Variants in DOCK1 observed in about 807,000 individuals in gnomAD.
DOCK1 encodes the protein dedicator of cytokinesis protein 1.
In DOCK1, 138 loss-of-function variants were observed where a neutral mutation model predicts 262.7. That is an observed-to-expected ratio of 0.53 (90% CI 0.46 to 0.61). The LOEUF is 0.61. Ranked by LOEUF, DOCK1 falls within the 20% of genes least tolerant of loss-of-function variation. DOCK1 has a pLI of 0.00. For synonymous variants in DOCK1, 866 were observed against 867.4 expected (o/e 1.00, Z 0.03); for missense variants, 1,908 against 2,370.7 (o/e 0.80, Z 4.05).
At chr10:127,240,537 T>C (rs1400835656) in intron 27 of DOCK1, among the ~76,000 whole-genome samples, 2 of 152,164 alleles carry the variant, frequency 1.3e-5, no homozygotes, top group Non-Finnish European at 1.5e-5. Context: ...AGCCTTTTTA[T>C]TATGTCTTAT....
intron 18 of DOCK1, among the ~76,000 whole-genome samples, chr10:127,035,705 T>C (rs2043548499): frequency 6.6e-6 from 1 of 152,058 alleles, no homozygotes; most frequent in South Asian, 2.1e-4. Flanking sequence ...TACTTCACTT[T>C]CACTTAGAAA....
At chr10:127,068,841 A>G (rs2046035374) in intron 23 of DOCK1, among the ~76,000 whole-genome samples, 18 of 152,204 alleles carry the variant, frequency 1.2e-4, no homozygotes, top group Admixed American at 1.2e-3. Context: ...ATTTTTCTGT[A>G]TATATCTACC....
intron 27 of DOCK1, among the ~76,000 whole-genome samples, chr10:127,247,207 G>A (rs2059459713): frequency 6.6e-6 from 1 of 152,140 alleles, no homozygotes; most frequent in Non-Finnish European, 1.5e-5. Flanking sequence ...TTCAGCTTTG[G>A]CCCTTTACCT....
chr10:127,065,832 C>T (rs1180196751), intron 23 of DOCK1, among the ~76,000 whole-genome samples: 1 of 146,352 alleles, frequency 6.8e-6, no homozygotes. Context: ...CCAGCCTGGG[C>T]AACAAGAGCA....
intron 33 of DOCK1, among the ~76,000 whole-genome samples, chr10:127,372,959 A>G (rs145725466): frequency 1.5e-4 from 23 of 152,310 alleles, no homozygotes; most frequent in African/African-American, 5.3e-4. Context: ...CCGGAGTCCC[A>G]GTACTCAGAT....
At chr10:127,042,506 T>C in intron 19 of DOCK1, 119 bp from the exon 20 acceptor site, 2 of 868,270 alleles carry the variant, frequency 2.3e-6, no homozygotes, top group South Asian at 3.1e-5. Context: ...CGAATGGCTT[T>C]ATAGGTAGTG....
intron 38 of DOCK1, among the ~76,000 whole-genome samples, chr10:127,394,354 A>T (rs75439112): frequency 1.5e-5 from 1 of 67,266 alleles, no homozygotes; most frequent in African/African-American, 4.2e-5. Flanking sequence ...CACCAATGTA[A>T]AAAAAAAAAA....
At chr10:127,223,133 T>C (rs2058504349) in intron 27 of DOCK1, among the ~76,000 whole-genome samples, 1 of 152,216 alleles carries the variant, frequency 6.6e-6, no homozygotes, top group Non-Finnish European at 1.5e-5. Flanking sequence ...AACTAATAAA[T>C]CAATACTGAA....
At chr10:127,304,313 G>C (rs1232649026) in intron 29 of DOCK1, among the ~76,000 whole-genome samples, 1 of 152,158 alleles carries the variant, frequency 6.6e-6, no homozygotes, top group Non-Finnish European at 1.5e-5. Context: ...TGTTACTTGG[G>C]ATGATCTGAG....
rs762272864 is a variant in DOCK1 at position 127,018,804 on chromosome 10, A to T, written c.1296A>T (p.Arg432=). The T allele has an allele frequency of 6.2e-7, 1 of 1,613,800 alleles. No individual in the cohort carries two copies. The highest frequency in any genetic ancestry group is 1.7e-5 in the Admixed American group (1 of 59,982). Residue 432 remains arginine (R), a synonymous_variant, in exon 13 of 52, where the codon CGA becomes CGT. Coordinates refer to ENST00000623213, the MANE Select transcript of DOCK1 (RefSeq NM_001290223.2). ...HLVDRTTAVA[R]KTGFPEIIMP... ...TGGACAGGACCACAGCTGTGGCTCG[A>T]AAAACAGGGTTTCCGGAGATAATCA...
chr10:127,197,084 G>C (rs868319847), intron 27 of DOCK1, among the ~76,000 whole-genome samples: 1 of 152,166 alleles, frequency 6.6e-6, no homozygotes, highest in African/African-American at 2.4e-5. Context: ...GATCCTTTCA[G>C]TGCTGGCTCC....
chr10:126,980,571 A>G (rs1383576831), intron 3 of DOCK1, among the ~76,000 whole-genome samples: 2 of 152,028 alleles, frequency 1.3e-5, no homozygotes, highest in African/African-American at 4.8e-5. Context: ...ATTCTTCTTT[A>G]TATGGAATTT....
intron 24 of DOCK1, among the ~76,000 whole-genome samples, chr10:127,109,897 T>C (rs886362493): frequency 2.6e-5 from 4 of 152,148 alleles, no homozygotes; most frequent in African/African-American, 9.7e-5. Flanking sequence ...AAGTGGATGG[T>C]GACTATGTTT....
chr10:127,289,859 C>CA (rs1388397235), intron 29 of DOCK1, among the ~76,000 whole-genome samples: 2 of 151,418 alleles, frequency 1.3e-5, no homozygotes, highest in African/African-American at 2.4e-5. Context: ...ACATCACATA[C>CA]ATGTCTTATG....
At chr10:127,414,495 AATG>A (rs1193609116) in intron 43 of DOCK1, among the ~76,000 whole-genome samples, 2 of 152,182 alleles carry the variant, frequency 1.3e-5, no homozygotes, top group African/African-American at 4.8e-5. Context: ...CACATTGTCA[AATG>A]ATGTTTTTAT....
chr10:127,416,642 A>AC (rs1464480783), intron 44 of DOCK1, among the ~76,000 whole-genome samples: 1 of 152,210 alleles, frequency 6.6e-6, no homozygotes, highest in Non-Finnish European at 1.5e-5. Context: ...GCCACCTGGG[A>AC]CCAACCCCCG....
At chr10:127,102,549 G>A (rs2048312959) in intron 23 of DOCK1, among the ~76,000 whole-genome samples, 1 of 152,222 alleles carries the variant, frequency 6.6e-6, no homozygotes, top group Non-Finnish European at 1.5e-5. Context: ...TAAGGTATAG[G>A]CTGGACACAG....
intron 1 of DOCK1, among the ~76,000 whole-genome samples, chr10:126,924,318 G>T (rs1345623778): frequency 7.0e-5 from 9 of 128,008 alleles, no homozygotes; most frequent in Admixed American, 2.3e-4. Context: ...TGTGAGTGCT[G>T]GAACTCAGTA....
chr10:127,341,275 G>T (rs1484533743), intron 30 of DOCK1, among the ~76,000 whole-genome samples: 1 of 152,104 alleles, frequency 6.6e-6, no homozygotes, highest in Non-Finnish European at 1.5e-5. Flanking sequence ...TCCATTTTCT[G>T]TGTTATTATC....
Sources: gnomAD v4.1 joint callset for allele counts (sites outside exome capture counted in the v4.1 genomes callset) on GRCh38, gnomAD v4.1.1 for gene constraint, MANE v1.5 for transcripts, NCBI Gene and HGNC (gene_info 2026-07-23, HGNC 2026-07-21) for gene names.